Variants in SLIT1 observed in about 807,000 individuals in gnomAD.
SLIT1 encodes slit homolog 1 protein.
A neutral mutation model predicts 186.1 loss-of-function variants in SLIT1; 66 were observed. The ratio of observed to expected loss-of-function variants is 0.35; its 90% CI spans 0.29 to 0.44. The LOEUF (loss-of-function observed/expected upper bound fraction) is 0.44. Ranked by LOEUF, SLIT1 falls within the 20% of genes least tolerant of loss-of-function variation. The pLI is 1.00. For synonymous variants in SLIT1, 761 were observed against 833.8 expected (o/e 0.91, Z 1.50); for missense variants, 1,638 against 2,037.4 (o/e 0.80, Z 3.77).
chr10:97,096,194 AC>A (rs1399448966), intron 4 of SLIT1, among the ~76,000 whole-genome samples: 1 of 152,168 alleles, frequency 6.6e-6, no homozygotes, highest in African/African-American at 2.4e-5. Context: ...GAGCTTAGGG[AC>A]CCAGACCACT....
Position 97,131,098 on chromosome 10 carries a change from G to A in SLIT1, c.413+26720C>T, listed in dbSNP as rs547892977. ...TGAGACCGACAGCATGGAGCAGGCCGAGCAAGGGCATTGTGGACAGTGTGA... is the reference window on the plus strand; with the variant it reads ...TGAGACCGACAGCATGGAGCAGGCCAAGCAAGGGCATTGTGGACAGTGTGA... On this transcript the variant is annotated intron_variant, in intron 4 of 36. Coordinates refer to ENST00000266058, the MANE Select transcript of SLIT1 (RefSeq NM_003061.3). Among the ~76,000 whole-genome samples, 8 of 152,234 alleles carry A rather than the reference G, an allele frequency of 5.3e-5. No individual in the cohort carries two copies. In the South Asian group the frequency reaches 6.2e-4, roughly 12 times the overall value.
chr10:97,109,670 G>A (rs1350181179), intron 4 of SLIT1, among the ~76,000 whole-genome samples: 2 of 152,240 alleles, frequency 1.3e-5, no homozygotes, highest in East Asian at 3.8e-4. Context: ...AGTGCTGCCT[G>A]AGCCTTGGAG....
At chr10:97,057,064 A>T in intron 12 of SLIT1, 146 bp downstream of exon 12, 1 of 627,062 alleles carries the variant, frequency 1.6e-6, no homozygotes, top group Non-Finnish European at 2.8e-6. Context: ...AGACTTTCTC[A>T]GCCCTAGTGG....
In SLIT1 at chr10:97,049,062, A is replaced by G; in HGVS notation, c.1358T>C (p.Phe453Ser). The change falls in exon 14 of 37, where the codon TTC becomes TCC. Residue 453 changes from phenylalanine (F) to serine (S), a missense_variant. Phe to Ser is a radical substitution (Grantham distance 155). Transcript: ENST00000266058. ...CDCNLKWLAD[F>S]LRTNPIETSG... ...CGTCTCGATGGGATTGGTGCGCAGG[A>G]AGTCTGCCAGCCACTTGAGGTTACA... The G allele has an allele frequency of 6.2e-7, 1 of 1,613,892 alleles. No individual in the cohort carries two copies. The highest frequency in any genetic ancestry group is 8.5e-7 in the Non-Finnish European group (1 of 1,180,040).
At chr10:97,158,006 G>T (rs1196326102) in intron 3 of SLIT1, 117 bp from the exon 4 acceptor site, 11 of 772,062 alleles carry the variant, frequency 1.4e-5, no homozygotes, top group Non-Finnish European at 1.8e-5. Flanking sequence ...TCCTAACAGG[G>T]TCCATGTGGC....
intron 13 of SLIT1, among the ~76,000 whole-genome samples, chr10:97,051,779 T>C (rs1183636395): frequency 7.0e-6 from 1 of 143,110 alleles, no homozygotes. Flanking sequence ...GCCACTGCAC[T>C]CCAGCCTGGG....
chr10:97,004,290 T>C lies in SLIT1; in HGVS notation c.3711-68A>G. On this transcript the variant is annotated intron_variant, in intron 33 of 36. Transcript: ENST00000266058. This position sits in a 1 kb window ranked among gnomAD's most constrained non-coding sequence, Gnocchi z 5.1. The stretch of plus-strand genomic sequence containing the variant: ...GTCTGGACCATCCCTGCCTGGGCAC[T>C]TCCCCAGAAACACCAGTAGCTGCTT... 1.3e-6 allele frequency: 2 copies of C among 1,503,848 alleles called. No homozygotes were observed. The highest frequency in any genetic ancestry group is 1.8e-6 in the Non-Finnish European group (2 of 1,102,950). The allele number at this position is 1,503,848 out of a possible 1,614,324, so 93.2% of individuals were successfully genotyped here. A position where few individuals can be genotyped will look rare whatever the true frequency, so the allele number is the denominator to read the frequency against.
chr10:97,172,934 GGAGAGAGA>G (rs72293609), intron 1 of SLIT1, among the ~76,000 whole-genome samples: 20 of 148,062 alleles, frequency 1.4e-4, no homozygotes, highest in Admixed American at 5.4e-4. Flanking sequence ...AAGGAAGGAG[GGAGAGAGA>G]GAGAGAGAGA....
At chr10:97,080,637 T>C (rs190096207) in intron 4 of SLIT1, among the ~76,000 whole-genome samples, 47 of 152,354 alleles carry the variant, frequency 3.1e-4, no homozygotes, top group African/African-American at 1.1e-3. Flanking sequence ...GGGTTCACTA[T>C]AGTTCAAACA....
chr10:97,170,321 A>G (rs1850171122), intron 1 of SLIT1, among the ~76,000 whole-genome samples: 1 of 152,240 alleles, frequency 6.6e-6, no homozygotes. Context: ...AAATGTGGTG[A>G]GGTTTAAATG....
intron 4 of SLIT1, among the ~76,000 whole-genome samples, chr10:97,118,334 T>G (rs2636814): frequency 0.8 from 122,234 of 152,090 alleles, 49,350 homozygotes; most frequent in Admixed American, 0.85. Flanking sequence ...CCCAAAGAAC[T>G]CAGGGCCTTC....
At chr10:97,141,761 CGTATT>C (rs933213551) in intron 4 of SLIT1, among the ~76,000 whole-genome samples, 14 of 148,858 alleles carry the variant, frequency 9.4e-5, no homozygotes, top group East Asian at 2.0e-4. Context: ...CGTATCGTAT[CGTATT>C]GTATCGTACT....
At chr10:97,164,363 G>A (rs1209910914) in intron 2 of SLIT1, among the ~76,000 whole-genome samples, 1 of 152,136 alleles carries the variant, frequency 6.6e-6, no homozygotes, top group Non-Finnish European at 1.5e-5. Context: ...TCCCGCTGGA[G>A]GCCTGGGGGC....
chr10:97,076,591 A>C (rs1849048171), intron 4 of SLIT1, among the ~76,000 whole-genome samples: 1 of 152,196 alleles, frequency 6.6e-6, no homozygotes, highest in African/African-American at 2.4e-5. Flanking sequence ...TGCATACTGC[A>C]TGTGTGCACG....
intron 6 of SLIT1, 79 bp downstream of exon 6, chr10:97,064,726 C>G: frequency 1.9e-6 from 2 of 1,049,782 alleles, no homozygotes; most frequent in African/African-American, 1.6e-5. Context: ...CCCTGATGCC[C>G]GCTGCCTAGG....
At chr10:97,007,905 A>G (rs1469665638) in intron 31 of SLIT1, among the ~76,000 whole-genome samples, 1 of 146,822 alleles carries the variant, frequency 6.8e-6, no homozygotes, top group Admixed American at 6.8e-5. Flanking sequence ...TGCTCTCACA[A>G]TTTCTATTCA....
chr10:97,018,464 C>T (rs561102966), intron 28 of SLIT1, 122 bp downstream of exon 28: 33 of 620,814 alleles, frequency 5.3e-5, no homozygotes, highest in Middle Eastern at 4.3e-4. Flanking sequence ...CCCGACAGTG[C>T]GCCTCCACCT....
At position 97,043,038 on chromosome 10, in the gene SLIT1, T is replaced by G; in HGVS notation, c.2027A>C (p.Asn676Thr). The G allele has an allele frequency of 1.2e-6, 2 of 1,614,166 alleles. No individual in the cohort carries two copies. Among genetic ancestry groups the G allele is most frequent in the Non-Finnish European group, 1.7e-6 (2 of 1,180,004 alleles). Residue 676 changes from asparagine (N) to threonine (T), a missense_variant, in exon 20 of 37, where the codon AAC (asparagine) becomes ACC (threonine). Asn to Thr is a moderately conservative substitution (Grantham distance 65). Coordinates refer to ENST00000266058, the MANE Select transcript of SLIT1 (RefSeq NM_003061.3). The surrounding 1 kb of genome is among the most constrained non-coding windows in gnomAD (Gnocchi z 7.0). Reference sequence around the variant, plus strand: ...GCCTCCTAGCCAGGCCAGCTGGCAGTTGCAGTTGAAAGGGTTGGCCAGGAG... The same window carrying G: ...GCCTCCTAGCCAGGCCAGCTGGCAGGTGCAGTTGAAAGGGTTGGCCAGGAG... The part of the protein sequence containing the change: ...LNLLANPFNC[N>T]CQLAWLGGWL...
At chr10:97,085,386 C>CTT (rs879321019) in intron 4 of SLIT1, among the ~76,000 whole-genome samples, 1 of 148,492 alleles carries the variant, frequency 6.7e-6, no homozygotes, top group African/African-American at 2.5e-5. Context: ...TTAGCATGTA[C>CTT]TTTTTTTTTT....
Sources: allele counts gnomAD v4.1 joint callset (sites outside exome capture counted in the v4.1 genomes callset), GRCh38; gene constraint gnomAD v4.1.1; non-coding constraint Gnocchi (gnomAD v3.1); transcripts MANE v1.5; gene names NCBI Gene and HGNC (gene_info 2026-07-23, HGNC 2026-07-21).